BTRC: variants seen among roughly 807,000 people sequenced by gnomAD.
BTRC encodes beta-transducin repeat containing E3 ubiquitin protein ligase, also known as F-box/WD repeat-containing protein 1A.
BTRC carries 42 observed loss-of-function variants against 85.5 expected under a neutral mutation model. That is an observed-to-expected ratio of 0.49 (90% confidence interval 0.38 to 0.64). BTRC has a LOEUF of 0.64. Ranked by LOEUF, BTRC falls within the 30% of genes least tolerant of loss-of-function variation. BTRC has a pLI of 0.00. For missense variants in BTRC, 594 were observed against 743.5 expected (o/e 0.80, Z 2.34); for synonymous variants, 255 against 263.3 (o/e 0.97, Z 0.30).
At chr10:101,495,843 C>A (rs1946245261) in intron 4 of BTRC, among the ~76,000 whole-genome samples, 1 of 152,092 alleles carries the variant, frequency 6.6e-6, no homozygotes, top group Non-Finnish European at 1.5e-5. Flanking sequence ...AAGTTCACAT[C>A]CACCCAGATT....
At chr10:101,505,357 C>T (rs1376366900) in intron 4 of BTRC, among the ~76,000 whole-genome samples, 7 of 150,518 alleles carry the variant, frequency 4.7e-5, no homozygotes, top group East Asian at 2.0e-4. Context: ...CGGTGGCTTA[C>T]GCCTGTAATC....
At chr10:101,357,243 C>T (rs1284572553) in intron 1 of BTRC, among the ~76,000 whole-genome samples, 7 of 151,586 alleles carry the variant, frequency 4.6e-5, no homozygotes, top group Non-Finnish European at 1.0e-4. Context: ...GAGATTGAGA[C>T]CATCCTGGCC....
At chr10:101,358,741 G>A (rs1185210299) in intron 1 of BTRC, among the ~76,000 whole-genome samples, 1 of 152,148 alleles carries the variant, frequency 6.6e-6, no homozygotes, top group Non-Finnish European at 1.5e-5. Flanking sequence ...AAGGTTCTAA[G>A]AAGGGACATT....
intron 1 of BTRC, among the ~76,000 whole-genome samples, chr10:101,363,571 G>C (rs1249355901): frequency 2.0e-5 from 3 of 152,016 alleles, no homozygotes; most frequent in African/African-American, 7.3e-5. Flanking sequence ...TGATTCTCCT[G>C]CCTCAGCCTC....
At chr10:101,527,786 T>TA (rs1294398662) in intron 6 of BTRC, among the ~76,000 whole-genome samples, 165 of 137,060 alleles carry the variant, frequency 1.2e-3, no homozygotes, top group Non-Finnish European at 2.0e-3. Flanking sequence ...TCTCTCTCTC[T>TA]CTCTCACATA....
rs1342244147 is a variant in BTRC at position 101,452,543 on chromosome 10, G to GTAGTGTTATATGAT, written c.157-9431_157-9418dup. The stretch of plus-strand genomic sequence containing the variant: ...CTGCATTTTGAGAAAGGATGCATCT[G>GTAGTGTTATATGAT]TAGTGTTATATGATTAGTGTCGGAC... On this transcript the variant is annotated intron_variant, in intron 2 of 14. Coordinates refer to ENST00000370187, the MANE Select transcript of BTRC (RefSeq NM_033637.4). Among the ~76,000 whole-genome samples, 3 of 152,364 alleles carry GTAGTGTTATATGAT rather than the reference G, an allele frequency of 2.0e-5. No individual in the cohort carries two copies. In the East Asian group the frequency reaches 5.8e-4, roughly 29 times the overall value.
intron 1 of BTRC, among the ~76,000 whole-genome samples, chr10:101,401,036 G>T (rs923285091): frequency 6.6e-6 from 1 of 152,148 alleles, no homozygotes; most frequent in Non-Finnish European, 1.5e-5. Context: ...GCCTCAGCTG[G>T]TAGTGTAGTT....
At chr10:101,399,321 CTTTT>C (rs10610835) in intron 1 of BTRC, among the ~76,000 whole-genome samples, 38,212 of 128,026 alleles carry the variant, frequency 0.3, 6,570 homozygotes, top group Middle Eastern at 0.46. Context: ...CTAGAATCAC[CTTTT>C]TTTTTTTTTT....
At chr10:101,445,646 T>C (rs1261524858) in intron 2 of BTRC, among the ~76,000 whole-genome samples, 2 of 152,210 alleles carry the variant, frequency 1.3e-5, no homozygotes, top group African/African-American at 4.8e-5. Flanking sequence ...CCTGGAGTTA[T>C]TTTCTTGCTC....
At position 101,366,866 on chromosome 10, in the gene BTRC, A is replaced by ATAT. The variant is rs1357167051; in HGVS notation, c.48+12639_48+12640insATT. 6.7e-3 allele frequency among the ~76,000 whole-genome samples: 105 copies of ATAT among 15,668 alleles called. 15 individuals are homozygous for ATAT. The East Asian group carries it at 0.12, about 18-fold the overall frequency. 10.3% of individuals were successfully genotyped at this position (15,668 alleles called of 152,430 possible). A position where few individuals can be genotyped will look rare whatever the true frequency, so the allele number is the denominator to read the frequency against. On this transcript the variant is annotated intron_variant, in intron 1 of 14. Transcript: ENST00000370187. ...TATGTATATTAATATATATTTATAT[A>ATAT]TTAATATATATTTATATATATTTAT...
At chr10:101,494,655 A>C (rs1456663832) in intron 4 of BTRC, among the ~76,000 whole-genome samples, 1 of 152,044 alleles carries the variant, frequency 6.6e-6, no homozygotes, top group African/African-American at 2.4e-5. Flanking sequence ...ACACGTATTG[A>C]TTTTAACAAG....
intron 4 of BTRC, among the ~76,000 whole-genome samples, chr10:101,518,060 C>G (rs1256257214): frequency 1.3e-5 from 2 of 151,396 alleles, no homozygotes; most frequent in Non-Finnish European, 2.9e-5. Context: ...CTACAGGCGC[C>G]CGCCACTACG....
At chr10:101,444,035 T>C (rs1319183328) in intron 2 of BTRC, among the ~76,000 whole-genome samples, 1 of 152,240 alleles carries the variant, frequency 6.6e-6, no homozygotes, top group East Asian at 1.9e-4. Context: ...TAGTCATATG[T>C]ATTTTTTTCT....
At chr10:101,471,967 C>T (rs957439264) in intron 3 of BTRC, among the ~76,000 whole-genome samples, 3 of 152,184 alleles carry the variant, frequency 2.0e-5, no homozygotes, top group Admixed American at 1.3e-4. Flanking sequence ...TCCATGCCCC[C>T]TTTGACGTAT....
At chr10:101,525,515 C>G (rs1404206291) in intron 5 of BTRC, among the ~76,000 whole-genome samples, 2 of 152,116 alleles carry the variant, frequency 1.3e-5, no homozygotes, top group Non-Finnish European at 2.9e-5. Context: ...AATTCTATAA[C>G]CCAGCACATT....
At chr10:101,486,392 A>C (rs1164161535) in intron 4 of BTRC, among the ~76,000 whole-genome samples, 1 of 151,860 alleles carries the variant, frequency 6.6e-6, no homozygotes, top group African/African-American at 2.4e-5. Context: ...AGTATGGTGC[A>C]GTCTTTTAGT....
At chr10:101,416,500 T>C (rs1943949335) in intron 1 of BTRC, among the ~76,000 whole-genome samples, 1 of 152,202 alleles carries the variant, frequency 6.6e-6, no homozygotes, top group African/African-American at 2.4e-5. Context: ...GTGCCCTTCA[T>C]TGTTCTGGTT....
intron 2 of BTRC, among the ~76,000 whole-genome samples, chr10:101,446,663 A>G (rs570542609): frequency 2.8e-4 from 42 of 152,312 alleles, no homozygotes; most frequent in Non-Finnish European, 3.8e-4. Context: ...AAAGATTGCA[A>G]TATTCAACAC....
intron 1 of BTRC, among the ~76,000 whole-genome samples, chr10:101,419,302 C>A (rs532058789): frequency 6.6e-6 from 1 of 152,128 alleles, no homozygotes. Context: ...TGAACCACTT[C>A]GTCTGGCCAG....
Sources: allele counts gnomAD v4.1 joint callset (sites outside exome capture counted in the v4.1 genomes callset), GRCh38; gene constraint gnomAD v4.1.1; transcripts MANE v1.5; gene names NCBI Gene and HGNC (gene_info 2026-07-23, HGNC 2026-07-21).